The following SETD5 variants were observed in gnomAD, a reference collection of about 807,000 sequenced individuals.
SETD5 encodes the protein SET domain containing 5.
Under a neutral mutation model 153.3 loss-of-function variants are expected in SETD5, and 44 were observed. The ratio of observed to expected loss-of-function variants is 0.29; its 90% CI spans 0.23 to 0.37. The LOEUF is 0.37. Among genes scored for constraint, SETD5 ranks in the 10% least tolerant of loss-of-function variants. The pLI, the probability that SETD5 is intolerant of heterozygous loss-of-function variation, is 1.00. For synonymous variants in SETD5, 716 were observed against 645.2 expected (o/e 1.11, Z -1.66); for missense variants, 1,544 against 1,768.0 (o/e 0.87, Z 2.27).
At chr3:9,432,189 C>G (rs576508551) in intron 3 of SETD5, 1 of 628,262 alleles carries the variant, frequency 1.6e-6, no homozygotes, top group African/African-American at 2.0e-5. Flanking sequence ...TCCCATCTTG[C>G]AGACACTTTT....
rs947235775 is a variant in SETD5, at chr3:9,470,531, A to G, written c.2797A>G (p.Arg933Gly). The change falls in exon 19 of 23, where the codon AGA becomes GGA. Residue 933 changes from arginine (R) to glycine (G), a missense_variant. By Grantham distance (125) the Arg-to-Gly change is moderately radical. Transcript: ENST00000402198. Reference sequence around the variant, plus strand: ...CTCCAACACTAACAGCTGTGCTGATAGACCTTCCCTACTCAACTCAGGTCA... The same window carrying G: ...CTCCAACACTAACAGCTGTGCTGATGGACCTTCCCTACTCAACTCAGGTCA... ...LDSNTNSCADRPSLLNSGHSD... is the reference protein window; with the variant it reads ...LDSNTNSCADGPSLLNSGHSD... 3 of 1,614,024 alleles carry G rather than the reference A, an allele frequency of 1.9e-6. No individual in the cohort carries two copies. Among genetic ancestry groups the G allele is most frequent in the African/African-American group, 1.3e-5 (1 of 75,056 alleles).
chr3:9,401,841 CTG>C (rs1399227426), intron 1 of SETD5, among the ~76,000 whole-genome samples: 1 of 152,176 alleles, frequency 6.6e-6, no homozygotes, highest in South Asian at 2.1e-4. Flanking sequence ...GTGTTGAAAA[CTG>C]AAACTTCTTG....
chr3:9,457,742 C>CTT (rs756557755), intron 17 of SETD5, among the ~76,000 whole-genome samples: 13 of 129,410 alleles, frequency 1.0e-4, no homozygotes, highest in African/African-American at 2.6e-4. Flanking sequence ...ATTTCTTTTT[C>CTT]TTTTTTTTTT....
intron 1 of SETD5, among the ~76,000 whole-genome samples, chr3:9,414,384 A>AGTGT (rs750549536): frequency 6.6e-6 from 1 of 151,202 alleles, no homozygotes; most frequent in African/African-American, 2.4e-5. Context: ...TTTTTTGGGG[A>AGTGT]GTGTGTGTGT....
intron 12 of SETD5, 119 bp downstream of exon 12, chr3:9,445,419 A>C: frequency 8.9e-7 from 1 of 1,125,146 alleles, no homozygotes; most frequent in Non-Finnish European, 1.3e-6. Context: ...CCTTTATATC[A>C]ATGTGGGTTT....
chr3:9,414,445 C>T (rs2037113730), intron 1 of SETD5, among the ~76,000 whole-genome samples: 1 of 152,218 alleles, frequency 6.6e-6, no homozygotes, highest in East Asian at 1.9e-4. Context: ...ATCATTGCTT[C>T]TACAAGGCAA....
rs745807556 is a variant in SETD5 at position 9,447,838 on chromosome 3, A to G, written c.1935A>G (p.Gln645=). The change falls in exon 15 of 23, where the codon CAA becomes CAG. Residue 645 remains glutamine, a synonymous_variant. Transcript: ENST00000402198. Reference sequence around the variant, plus strand: ...ATGCACAGCAGGCAGAATTGTCACAAGCTGCCTTGGAAGAGGGAGGAAGTA... The same window carrying G: ...ATGCACAGCAGGCAGAATTGTCACAGGCTGCCTTGGAAGAGGGAGGAAGTA... ...QANAQQAELS[Q]AALEEGGSNS... 1.2e-6 allele frequency: 2 copies of G among 1,614,040 alleles called. No individual in the cohort carries two copies. Among genetic ancestry groups the G allele is most frequent in the Non-Finnish European group, 1.7e-6 (2 of 1,179,892 alleles).
rs1244417961 is a variant in SETD5 at position 9,434,302 on chromosome 3, C to G, written c.178-32C>G. On this transcript the variant is annotated intron_variant, in intron 4 of 22. Transcript: ENST00000402198. This position sits in a 1 kb window ranked among gnomAD's most constrained non-coding sequence, Gnocchi z 5.6. ...GATCATAATTACGGAGCCCCTCCTC[C>G]TCCGACACCTCCTGCTTCTCCCCCT... 1.1e-5 allele frequency: 17 copies of G among 1,613,056 alleles called. No homozygotes were observed. The highest frequency in any genetic ancestry group is 1.7e-5 in the Admixed American group (1 of 60,014).
At position 9,448,490 on chromosome 3, in the gene SETD5, C is replaced by G. The variant is rs368466781; in HGVS notation, c.2206C>G (p.Leu736Val). 1 of 1,613,862 alleles carries G rather than the reference C, an allele frequency of 6.2e-7. No individual in the cohort carries two copies. The highest frequency in any genetic ancestry group is 8.5e-7 in the Non-Finnish European group (1 of 1,179,892). ...TTDPTVLATT[L>V]NMLPGLIHSP... ...GGATCCAACTGTACTGGCAACGACC[C>G]TAAACATGTTACCAGGTCTTATCCA... The change falls in exon 16 of 23, where the codon CTA becomes GTA. Residue 736 changes from leucine (L) to valine (V), a missense_variant. Leu to Val is a conservative substitution (Grantham distance 32, BLOSUM62 1). Coordinates refer to ENST00000402198, the MANE Select transcript of SETD5 (RefSeq NM_001080517.3).
intron 17 of SETD5, among the ~76,000 whole-genome samples, chr3:9,456,404 T>A (rs1575526344): frequency 6.9e-6 from 1 of 145,808 alleles, no homozygotes; most frequent in Non-Finnish European, 1.5e-5. Context: ...AACCTGGAGG[T>A]GGAGGTTGCA....
At chr3:9,414,092 C>T (rs1407817204) in intron 1 of SETD5, among the ~76,000 whole-genome samples, 2 of 152,122 alleles carry the variant, frequency 1.3e-5, no homozygotes, top group Admixed American at 6.5e-5. Context: ...AGAAGTTTTA[C>T]GTCAAATTTT....
At position 9,475,024 on chromosome 3, in the gene SETD5, C is replaced by T; in HGVS notation, c.3632-44C>T. ...GAAAAATGGCTCTTTCTTACTTATT[C>T]TAAGAAGCCAAGTTGATTTTTTTTT... On this transcript the variant is annotated intron_variant, in intron 21 of 22. Transcript: ENST00000402198. The T allele has an allele frequency of 1.3e-6, 2 of 1,516,330 alleles. 1 individual carries two copies. Among genetic ancestry groups the T allele is most frequent in the South Asian group, 2.4e-5 (2 of 82,326 alleles). The allele number at this position is 1,516,330 out of a possible 1,614,324, so 93.9% of individuals were successfully genotyped here.
chr3:9,455,516 T>C (rs954588127), intron 17 of SETD5, among the ~76,000 whole-genome samples: 1 of 152,200 alleles, frequency 6.6e-6, no homozygotes, highest in Admixed American at 6.5e-5. Flanking sequence ...ATTCCAGTTA[T>C]CTGAAAGATA....
Position 9,440,474 on chromosome 3 carries a change from C to A in SETD5, c.586C>A (p.Gln196Lys). 1 of 1,569,694 alleles carries A rather than the reference C, an allele frequency of 6.4e-7. No homozygotes were observed. The highest frequency in any genetic ancestry group is 8.8e-7 in the Non-Finnish European group (1 of 1,139,790). ...TCTACAGAATTCTCCCTCTGAAGCA[C>A]AGAATTTAGATGAGAATACAACTGA... ...KKIKNSPSEA[Q>K]NLDENTTEGW... The change falls in exon 8 of 23, where the codon CAG (glutamine) becomes AAG (lysine). Residue 196 changes from glutamine (Q) to lysine (K), a missense_variant. Gln to Lys is a moderately conservative substitution (Grantham distance 53). Around this residue, in one of 9 missense-constraint regions of SETD5, gnomAD observed 251 missense variants for 326.9 expected, o/e 0.77. Coordinates refer to ENST00000402198, the MANE Select transcript of SETD5 (RefSeq NM_001080517.3).
intron 17 of SETD5, among the ~76,000 whole-genome samples, chr3:9,454,844 G>C (rs560099700): frequency 2.0e-4 from 30 of 152,080 alleles, no homozygotes; most frequent in South Asian, 1.5e-3. Context: ...TAATTGAAAA[G>C]TTCTTTGTGA....
chr3:9,458,471 C>A (rs970653001), intron 17 of SETD5, among the ~76,000 whole-genome samples: 1 of 152,010 alleles, frequency 6.6e-6, no homozygotes, highest in African/African-American at 2.4e-5. Context: ...TAAAAATTAG[C>A]CAGGCATGAT....
Position 9,448,607 on chromosome 3 carries a change from G to A in SETD5, c.2323G>A (p.Gly775Ser), listed in dbSNP as rs1048970387. 6.9e-6 allele frequency: 11 copies of A among 1,599,732 alleles called. No homozygotes were observed. Among genetic ancestry groups the A allele is most frequent in the Non-Finnish European group, 9.4e-6 (11 of 1,171,220 alleles). ...ACGTCGAAGGCCCCTTCTGCCTGAT[G>A]GCACATTCAGCTCCTGTAAGAAGGT... Reference protein sequence around the residue: ...ERRRRPLLPDGTFSSCKKRWI... With the variant: ...ERRRRPLLPDSTFSSCKKRWI... The change falls in exon 16 of 23, where the codon GGC (glycine) becomes AGC (serine). Residue 775 changes from glycine to serine, a missense_variant. This residue lies in a region of SETD5 where 782 missense variants were observed against 787.2 expected (regional missense o/e 0.99). Coordinates refer to ENST00000402198, the MANE Select transcript of SETD5 (RefSeq NM_001080517.3).
In SETD5 at chr3:9,434,850, G is replaced by C; in HGVS notation, c.356G>C (p.Arg119Thr). Residue 119 changes from arginine (R) to threonine (T), a missense_variant, in exon 6 of 23, where the codon AGA (arginine) becomes ACA (threonine). Physicochemically the swap from Arg to Thr is moderately conservative, Grantham distance 71. Around this residue, in one of 9 missense-constraint regions of SETD5, gnomAD observed 251 missense variants for 326.9 expected, o/e 0.77. Transcript: ENST00000402198. This position sits in a 1 kb window ranked among gnomAD's most constrained non-coding sequence, Gnocchi z 5.6. ...CRGMSRGKVI[R>T]LHRRKQDNIS... ...GGAATGAGCAGGGGGAAGGTTATTA[G>C]ACTTCATCGGCGGAAGCAGGACAAC... 6.2e-7 allele frequency: 1 copy of C among 1,613,594 alleles called. No homozygotes were observed. The highest frequency in any genetic ancestry group is 1.1e-5 in the South Asian group (1 of 90,912).
chr3:9,464,187 T>G (rs1272404671), intron 17 of SETD5, among the ~76,000 whole-genome samples: 1 of 152,180 alleles, frequency 6.6e-6, no homozygotes, highest in Non-Finnish European at 1.5e-5. Flanking sequence ...GAAATTAAAT[T>G]AGAGATCAGT....
Sources: gnomAD v4.1 joint callset for allele counts (sites outside exome capture counted in the v4.1 genomes callset) on GRCh38, gnomAD v4.1.1 for gene constraint, gnomAD v4.1.1 regional missense constraint, Gnocchi (gnomAD v3.1) non-coding constraint, MANE v1.5 for transcripts, NCBI Gene and HGNC (gene_info 2026-07-23, HGNC 2026-07-21) for gene names.